Variants in TSGA10 observed in about 807,000 individuals in gnomAD.
The protein encoded by TSGA10 is testis specific 10.
In TSGA10, 43 loss-of-function variants were observed where a neutral mutation model predicts 96.6. The ratio of observed to expected loss-of-function variants is 0.44; its 90% CI spans 0.35 to 0.57. TSGA10 has a LOEUF of 0.57. Among genes scored for constraint, TSGA10 ranks in the 20% least tolerant of loss-of-function variants. The pLI, the probability that TSGA10 is intolerant of heterozygous loss-of-function variation, is 0.01. For synonymous variants in TSGA10, 229 were observed against 269.9 expected (o/e 0.85, Z 1.48); for missense variants, 703 against 834.4 (o/e 0.84, Z 1.94).
chr2:99,031,853 G>A (rs887837579), intron 17 of TSGA10, among the ~76,000 whole-genome samples: 1 of 152,180 alleles, frequency 6.6e-6, no homozygotes, highest in South Asian at 2.1e-4. Flanking sequence ...TCTCAGTTGT[G>A]CACTCTTTAA....
At chr2:99,044,581 G>A (rs1173111608) in intron 16 of TSGA10, among the ~76,000 whole-genome samples, 1 of 152,032 alleles carries the variant, frequency 6.6e-6, no homozygotes, top group Non-Finnish European at 1.5e-5. Flanking sequence ...CACAATAATA[G>A]TGGGAGATTT....
intron 20 of TSGA10, 70 bp downstream of exon 20, chr2:99,018,130 T>C (rs2104934867): frequency 6.6e-7 from 1 of 1,512,666 alleles, no homozygotes; most frequent in East Asian, 2.3e-5. Context: ...GTTTCCTTAT[T>C]ACCCCAAATG....
chr2:99,024,082 A>G (rs1302532576), intron 17 of TSGA10, among the ~76,000 whole-genome samples: 1 of 148,134 alleles, frequency 6.8e-6, no homozygotes, highest in Non-Finnish European at 1.5e-5. Flanking sequence ...GTAGTTTTGT[A>G]AAGTACAAGT....
At chr2:99,047,917 T>C (rs1193766835) in intron 16 of TSGA10, among the ~76,000 whole-genome samples, 1 of 152,182 alleles carries the variant, frequency 6.6e-6, no homozygotes, top group African/African-American at 2.4e-5. Flanking sequence ...AGAATTCTTA[T>C]ACACCAATAA....
chr2:99,065,225 GTTTATAATAGAACCC>G lies in TSGA10; in HGVS notation c.1219-116_1219-102del, dbSNP rs939199540. ...TGGGAATTCACTTGCCATGAGAAGC[GTTTATAATAGAACCC>G]TGAGGAAATATATCTATACTCTTAG... On this transcript the variant is annotated intron_variant, in intron 15 of 20. Transcript: ENST00000393483. The G allele has an allele frequency of 3.9e-5, 50 of 1,274,624 alleles. No individual in the cohort carries two copies. In the Middle Eastern group the frequency reaches 7.9e-4, roughly 20 times the overall value. The allele number at this position is 1,274,624 out of a possible 1,614,324, so 79.0% of individuals were successfully genotyped here.
At chr2:99,124,713 T>C (rs1405775038) in intron 2 of TSGA10, 1 of 151,970 alleles carries the variant, frequency 6.6e-6, no homozygotes, top group Non-Finnish European at 1.5e-5. Flanking sequence ...GCCTCCTAAG[T>C]AGCTGGGACT....
chr2:99,127,274 GA>G (rs2092877404), intron 1 of TSGA10, 98 bp from the exon 2 acceptor site: 1 of 1,005,254 alleles, frequency 9.9e-7, no homozygotes, highest in South Asian at 2.0e-5. Context: ...AATATTCTTA[GA>G]TTTTTTTTAA....
At chr2:99,140,613 T>A (rs527454481) in intron 1 of TSGA10, among the ~76,000 whole-genome samples, 81 of 152,328 alleles carry the variant, frequency 5.3e-4, no homozygotes, top group African/African-American at 1.9e-3. Context: ...TTACTGTGTA[T>A]AATTTTTACT....
chr2:99,074,394 T>C (rs1301164012), intron 12 of TSGA10, among the ~76,000 whole-genome samples: 3 of 147,000 alleles, frequency 2.0e-5, no homozygotes, highest in Non-Finnish European at 4.5e-5. Context: ...CCTTTATTCA[T>C]GTGCTCTTCT....
At chr2:99,099,006 C>A (rs1450080831) in intron 10 of TSGA10, among the ~76,000 whole-genome samples, 2 of 152,088 alleles carry the variant, frequency 1.3e-5, no homozygotes, top group Non-Finnish European at 2.9e-5. Context: ...CTATCAAAAT[C>A]TGATTTTAAA....
intron 16 of TSGA10, among the ~76,000 whole-genome samples, chr2:99,055,684 G>A (rs1239821794): frequency 6.6e-6 from 1 of 151,648 alleles, no homozygotes; most frequent in African/African-American, 2.4e-5. Flanking sequence ...GGGAGAGAGA[G>A]AGAAAGAAAG....
chr2:99,077,127 C>CTTTTT lies in TSGA10; in HGVS notation c.882+1527_882+1531dup, dbSNP rs35876721. Reference sequence around the variant, plus strand: ...GGCTTTGAGAAGGCGGACCATTCACCTTTTTTTTTTTTTTTTTTTTTTTTT... The same window carrying CTTTTT: ...GGCTTTGAGAAGGCGGACCATTCACCTTTTTTTTTTTTTTTTTTTTTTTTTTTTTT... On this transcript the variant is annotated intron_variant, in intron 12 of 20. Coordinates refer to ENST00000393483, the MANE Select transcript of TSGA10 (RefSeq NM_025244.4). Among the ~76,000 whole-genome samples the CTTTTT allele has an allele frequency of 1.0e-3, 72 of 70,466 alleles. 7 individuals are homozygous for CTTTTT. The highest frequency in any genetic ancestry group is 1.9e-3 in the East Asian group (5 of 2,668). The allele number at this position is 70,466 out of a possible 152,430, so 46.2% of individuals were successfully genotyped here. A position where few individuals can be genotyped will look rare whatever the true frequency, so the allele number is the denominator to read the frequency against.
chr2:99,011,669 T>C (rs2079018431), intron 20 of TSGA10, among the ~76,000 whole-genome samples: 1 of 152,172 alleles, frequency 6.6e-6, no homozygotes, highest in Non-Finnish European at 1.5e-5. Context: ...CCTCTGCAAG[T>C]ATGTGTGTGT....
chr2:99,050,404 G>A (rs1221017417), intron 16 of TSGA10, among the ~76,000 whole-genome samples: 6 of 151,970 alleles, frequency 3.9e-5, no homozygotes, highest in African/African-American at 4.8e-5. Flanking sequence ...TTTGAAAAGC[G>A]CAACTAGTAA....
intron 4 of TSGA10, among the ~76,000 whole-genome samples, chr2:99,112,575 T>G (rs534241041): frequency 9.2e-5 from 14 of 152,008 alleles, no homozygotes; most frequent in African/African-American, 2.9e-4. Flanking sequence ...ACCAAAAACT[T>G]CAGAGGAAAG....
chr2:99,122,655 G>A (rs1320908253), intron 2 of TSGA10, among the ~76,000 whole-genome samples: 2 of 149,730 alleles, frequency 1.3e-5, no homozygotes, highest in Non-Finnish European at 3.0e-5. Context: ...GCCAACCATG[G>A]TGGTGCATGC....
At position 99,117,636 on chromosome 2, in the gene TSGA10, C is replaced by A. The variant is rs770329525; in HGVS notation, c.-232G>T. On this transcript the variant is annotated 5_prime_UTR_variant, in exon 4 of 21. Coordinates refer to ENST00000393483, the MANE Select transcript of TSGA10 (RefSeq NM_025244.4). ...GCTAGTTGGTCAATTTTAATCAATT[C>A]TTTACAAAGATGCTCATTGTGGCTG... is the stretch of plus-strand genomic sequence containing the variant. The A allele has an allele frequency of 5.1e-5, 50 of 985,676 alleles. No homozygotes were observed. The highest frequency in any genetic ancestry group is 6.0e-5 in the Non-Finnish European group (50 of 829,904). The allele number at this position is 985,676 out of a possible 1,614,324, so 61.1% of individuals were successfully genotyped here.
At chr2:99,062,347 G>A (rs567183139) in intron 16 of TSGA10, among the ~76,000 whole-genome samples, 1 of 152,222 alleles carries the variant, frequency 6.6e-6, no homozygotes, top group South Asian at 2.1e-4. Flanking sequence ...CATTTTATCT[G>A]ATCACAATAT....
chr2:99,093,274 C>T (rs565496786), intron 10 of TSGA10, among the ~76,000 whole-genome samples: 4 of 152,166 alleles, frequency 2.6e-5, no homozygotes, highest in East Asian at 1.9e-4. Flanking sequence ...AAGCCGTCTA[C>T]GGACATACCC....
Sources: gnomAD v4.1 joint callset for allele counts (sites outside exome capture counted in the v4.1 genomes callset) on GRCh38, gnomAD v4.1.1 for gene constraint, MANE v1.5 for transcripts, NCBI Gene and HGNC (gene_info 2026-07-23, HGNC 2026-07-21) for gene names.